PPP4R4: variants seen among roughly 807,000 people sequenced by gnomAD.
PPP4R4 encodes the protein serine/threonine-protein phosphatase 4 regulatory subunit 4.
In PPP4R4, 70 loss-of-function variants were observed where a neutral mutation model predicts 121.8. That is an observed-to-expected ratio of 0.57 (90% confidence interval 0.47 to 0.70). The LOEUF is 0.70. PPP4R4 is among the 30% of genes least tolerant of loss of function. The pLI is 0.00. For missense variants in PPP4R4, 875 were observed against 1,033.6 expected (o/e 0.85, Z 2.10); for synonymous variants, 348 against 355.7 (o/e 0.98, Z 0.24).
intron 2 of PPP4R4, among the ~76,000 whole-genome samples, chr14:94,203,453 A>C (rs1332770237): frequency 6.6e-6 from 1 of 152,142 alleles, no homozygotes; most frequent in Admixed American, 6.5e-5. Context: ...TCTTCACTTA[A>C]GGACATATCA....
At chr14:94,180,047 C>T (rs1479719413) in intron 2 of PPP4R4, among the ~76,000 whole-genome samples, 1 of 152,078 alleles carries the variant, frequency 6.6e-6, no homozygotes, top group Non-Finnish European at 1.5e-5. Context: ...GTTTTCGAGC[C>T]CTGCTTTTCA....
chr14:94,242,151 G>C, intron 10 of PPP4R4, 138 bp from the exon 11 acceptor site: 6 of 1,235,078 alleles, frequency 4.9e-6, no homozygotes, highest in South Asian at 1.4e-5. Context: ...CACATATTTG[G>C]ATCTTCCAAA....
chr14:94,237,078 A>T (rs975873362), intron 7 of PPP4R4, among the ~76,000 whole-genome samples: 2 of 152,186 alleles, frequency 1.3e-5, no homozygotes, highest in Non-Finnish European at 2.9e-5. Context: ...TCATTCTGCT[A>T]GGTAGGACAC....
intron 2 of PPP4R4, among the ~76,000 whole-genome samples, chr14:94,194,013 GACA>G (rs1889735930): frequency 6.6e-6 from 1 of 152,146 alleles, no homozygotes; most frequent in South Asian, 2.1e-4. Flanking sequence ...CAGAAGCTGG[GACA>G]ACAAGAAAGA....
intron 2 of PPP4R4, among the ~76,000 whole-genome samples, chr14:94,201,631 A>T (rs910527526): frequency 2.6e-5 from 4 of 152,152 alleles, no homozygotes; most frequent in Admixed American, 6.6e-5. Flanking sequence ...ATGTAAGAAT[A>T]GCTACTCCTG....
chr14:94,217,532 A>G (rs1198202271), intron 3 of PPP4R4, among the ~76,000 whole-genome samples: 1 of 152,194 alleles, frequency 6.6e-6, no homozygotes, highest in African/African-American at 2.4e-5. Context: ...TTACCAAAAC[A>G]TAAAGCAACA....
At chr14:94,247,867 T>C (rs1892978357) in intron 14 of PPP4R4, among the ~76,000 whole-genome samples, 1 of 152,192 alleles carries the variant, frequency 6.6e-6, no homozygotes, top group Non-Finnish European at 1.5e-5. Context: ...CAGTGTCTCT[T>C]TGTGTTAAAA....
At chr14:94,193,655 C>G (rs965308223) in intron 2 of PPP4R4, among the ~76,000 whole-genome samples, 2 of 151,924 alleles carry the variant, frequency 1.3e-5, no homozygotes, top group African/African-American at 4.8e-5. Flanking sequence ...ATGTTAGGTA[C>G]TGGAGAATAA....
At chr14:94,249,628 T>G (rs192014666) in intron 14 of PPP4R4, among the ~76,000 whole-genome samples, 76 of 152,160 alleles carry the variant, frequency 5.0e-4, no homozygotes, top group Non-Finnish European at 9.3e-4. Context: ...TGACAGAAAT[T>G]GAAAGGACAA....
chr14:94,191,920 C>T (rs1274144631), intron 2 of PPP4R4, among the ~76,000 whole-genome samples: 2 of 152,052 alleles, frequency 1.3e-5, no homozygotes, highest in Non-Finnish European at 2.9e-5. Context: ...AGGCTATGGA[C>T]TGAGAAATCA....
chr14:94,251,601 A>T, intron 15 of PPP4R4, 148 bp from the exon 16 acceptor site: 1 of 560,928 alleles, frequency 1.8e-6, no homozygotes, highest in Non-Finnish European at 3.0e-6. Context: ...GAGGTATATA[A>T]TAATGATATT....
At chr14:94,200,367 C>T (rs1046097095) in intron 2 of PPP4R4, among the ~76,000 whole-genome samples, 1 of 152,162 alleles carries the variant, frequency 6.6e-6, no homozygotes, top group African/African-American at 2.4e-5. Flanking sequence ...AGAGCTCCAA[C>T]ACAGTGTTGG....
At position 94,257,642 on chromosome 14, in the gene PPP4R4, T is replaced by TACACACACACACACAC. The variant is rs57997995; in HGVS notation, c.2010+1057_2010+1072dup. ...GTAGAGTTGCACATGCATTTAAATCTACACACACACACACACACACACACA... is the reference window on the plus strand; with the variant it reads ...GTAGAGTTGCACATGCATTTAAATCTACACACACACACACACACACACACACACACACACACACACA... On this transcript the variant is annotated intron_variant, in intron 17 of 24. Coordinates refer to ENST00000304338, the MANE Select transcript of PPP4R4 (RefSeq NM_058237.2). Among the ~76,000 whole-genome samples the TACACACACACACACAC allele has an allele frequency of 2.0e-3, 287 of 146,972 alleles. 2 individuals carry two copies. The highest frequency in any genetic ancestry group is 6.5e-3 in the African/African-American group (262 of 40,018).
intron 3 of PPP4R4, among the ~76,000 whole-genome samples, chr14:94,229,035 G>C: frequency 6.6e-6 from 1 of 152,162 alleles, no homozygotes; most frequent in Admixed American, 6.5e-5. Context: ...AACACATACT[G>C]TAAGTCATTA....
chr14:94,207,458 A>G (rs1178600099), intron 2 of PPP4R4, among the ~76,000 whole-genome samples: 2 of 151,940 alleles, frequency 1.3e-5, no homozygotes, highest in East Asian at 1.9e-4. Flanking sequence ...GTTTCTTTCT[A>G]ATAGAACTTA....
intron 3 of PPP4R4, among the ~76,000 whole-genome samples, chr14:94,224,640 G>T (rs1385681811): frequency 6.6e-6 from 1 of 152,126 alleles, no homozygotes; most frequent in African/African-American, 2.4e-5. Context: ...GGAGGCCCAG[G>T]TGTTACAGGA....
chr14:94,250,254 A>G lies in PPP4R4; in HGVS notation c.1694A>G (p.Glu565Gly). ...AATCGTAAACAAGAACAGAGACATG[A>G]GGTCATTCAAAAATTAATTGAACGT... Reference protein sequence around the residue: ...RYNRKQEQRHEVIQKLIEQLG... With the variant: ...RYNRKQEQRHGVIQKLIEQLG... Residue 565 changes from glutamate (E) to glycine (G), a missense_variant, in exon 15 of 25, where the codon GAG becomes GGG. Physicochemically the swap from Glu to Gly is moderately conservative, Grantham distance 98. Coordinates refer to ENST00000304338, the MANE Select transcript of PPP4R4 (RefSeq NM_058237.2). 1.2e-6 allele frequency: 2 copies of G among 1,607,526 alleles called. No individual in the cohort carries two copies.
chr14:94,228,372 T>G (rs1316029031), intron 3 of PPP4R4, among the ~76,000 whole-genome samples: 2 of 152,184 alleles, frequency 1.3e-5, no homozygotes, highest in African/African-American at 4.8e-5. Flanking sequence ...CTTGCTGGCC[T>G]TTATCAAAGT....
At chr14:94,241,557 G>A (rs1892636691) in intron 9 of PPP4R4, among the ~76,000 whole-genome samples, 1 of 152,022 alleles carries the variant, frequency 6.6e-6, no homozygotes, top group African/African-American at 2.4e-5. Flanking sequence ...CCTGCGTTAT[G>A]TAAGTTATAC....
Sources: gnomAD v4.1 joint callset for allele counts (sites outside exome capture counted in the v4.1 genomes callset) on GRCh38, gnomAD v4.1.1 for gene constraint, MANE v1.5 for transcripts, NCBI Gene and HGNC (gene_info 2026-07-23, HGNC 2026-07-21) for gene names.